The following CARMIL1 variants were observed in gnomAD, a reference collection of about 807,000 sequenced individuals.
CARMIL1 encodes F-actin-uncapping protein LRRC16A.
In CARMIL1, 90 loss-of-function variants were observed where a neutral mutation model predicts 177.1. That is an observed-to-expected ratio of 0.51 (90% CI 0.43 to 0.61). The LOEUF (loss-of-function observed/expected upper bound fraction) is 0.61, where lower values mean the gene tolerates loss of function less well. Ranked by LOEUF, CARMIL1 falls within the 20% of genes least tolerant of loss-of-function variation. The pLI is 0.00. For synonymous variants in CARMIL1, 577 were observed against 606.2 expected (o/e 0.95, Z 0.71); for missense variants, 1,380 against 1,667.0 (o/e 0.83, Z 3.00).
intron 24 of CARMIL1, among the ~76,000 whole-genome samples, chr6:25,530,774 C>G (rs76671656): frequency 2.6e-5 from 4 of 152,044 alleles, no homozygotes; most frequent in Admixed American, 1.3e-4. Context: ...GAGATGAAAT[C>G]GTAGAAGTTA....
At chr6:25,483,765 TTTTA>T (rs1802360220) in intron 12 of CARMIL1, among the ~76,000 whole-genome samples, 1 of 151,398 alleles carries the variant, frequency 6.6e-6, no homozygotes, top group African/African-American at 2.4e-5. Context: ...GATTTTTAAA[TTTTA>T]TTTATTTATT....
intron 2 of CARMIL1, among the ~76,000 whole-genome samples, chr6:25,410,946 C>G (rs1794847232): frequency 6.6e-6 from 1 of 152,206 alleles, no homozygotes; most frequent in Non-Finnish European, 1.5e-5. Context: ...CCTGACCCCT[C>G]TTAACTCTCT....
chr6:25,449,974 G>A lies in CARMIL1; in HGVS notation c.448G>A (p.Val150Met), dbSNP rs534828880. Residue 150 changes from valine to methionine, a missense_variant, in exon 6 of 37, where the codon GTG becomes ATG. Coordinates refer to ENST00000329474, the MANE Select transcript of CARMIL1 (RefSeq NM_017640.6). ...SLQALWDSQT[V>M]AEQGPCGGFS... ...CCAGGCGCTGTGGGACAGCCAGACC[G>A]TGGCTGAGCAGGGCCCCTGTGGTGA... 3.2e-5 allele frequency: 51 copies of A among 1,610,700 alleles called. No individual in the cohort carries two copies. The highest frequency in any genetic ancestry group is 3.0e-4 in the South Asian group (27 of 90,738).
At chr6:25,524,682 G>A (rs186927637) in intron 23 of CARMIL1, among the ~76,000 whole-genome samples, 17 of 152,240 alleles carry the variant, frequency 1.1e-4, no homozygotes, top group Middle Eastern at 3.4e-3. Flanking sequence ...AATTATCAGA[G>A]CCCTTAAAAT....
At chr6:25,303,903 G>T (rs1783062487) in intron 2 of CARMIL1, among the ~76,000 whole-genome samples, 1 of 152,216 alleles carries the variant, frequency 6.6e-6, no homozygotes. Context: ...GAAGTCCTTT[G>T]TCCAGGGAAC....
At chr6:25,539,205 A>G (rs951096756) in intron 25 of CARMIL1, among the ~76,000 whole-genome samples, 8 of 152,102 alleles carry the variant, frequency 5.3e-5, no homozygotes, top group Non-Finnish European at 1.0e-4. Flanking sequence ...TATTGGTTAG[A>G]AGTACCAGTA....
Position 25,619,740 on chromosome 6 carries a change from T to A in CARMIL1, c.*157T>A. ...CCCACCCCCATCCCCTGCCTTTTTT[T>A]TTTTTTTTTTTTTTTTTTTTTGTAT... On this transcript the variant is annotated 3_prime_UTR_variant, in exon 37 of 37. Coordinates refer to ENST00000329474, the MANE Select transcript of CARMIL1 (RefSeq NM_017640.6). The A allele has an allele frequency of 3.8e-6, 1 of 262,416 alleles. No homozygotes were observed. The highest frequency in any genetic ancestry group is 5.5e-5 in the East Asian group (1 of 18,026). The allele number at this position is 262,416 out of a possible 1,614,324, so 16.3% of individuals were successfully genotyped here. A position where few individuals can be genotyped will look rare whatever the true frequency, so the allele number is the denominator to read the frequency against.
At chr6:25,333,985 C>T (rs1785958904) in intron 2 of CARMIL1, among the ~76,000 whole-genome samples, 1 of 152,142 alleles carries the variant, frequency 6.6e-6, no homozygotes, top group Non-Finnish European at 1.5e-5. Flanking sequence ...ATGTACTTTC[C>T]CTGTATTCTT....
At chr6:25,310,537 A>G (rs1028052218) in intron 2 of CARMIL1, among the ~76,000 whole-genome samples, 24 of 152,240 alleles carry the variant, frequency 1.6e-4, no homozygotes, top group Non-Finnish European at 2.6e-4. Context: ...TTCAGTAGCT[A>G]TATGAGCGCA....
chr6:25,601,781 T>G (rs1395063273), intron 33 of CARMIL1, among the ~76,000 whole-genome samples: 7 of 152,242 alleles, frequency 4.6e-5, no homozygotes. Context: ...TTTTAAAGTA[T>G]AAGGAGTCTT....
intron 29 of CARMIL1, 71 bp downstream of exon 29, chr6:25,556,921 T>TTTTTAA: frequency 1.3e-5 from 18 of 1,354,776 alleles, no homozygotes; most frequent in Non-Finnish European, 1.7e-5. Context: ...TTTTTTTTTT[T>TTTTTAA]AAATCTCACC....
intron 2 of CARMIL1, among the ~76,000 whole-genome samples, chr6:25,383,224 T>TG (rs1348988199): frequency 6.6e-6 from 1 of 152,134 alleles, no homozygotes; most frequent in African/African-American, 2.4e-5. Context: ...GTGGGTCTGT[T>TG]GTTGGGAATA....
chr6:25,600,857 ACTTTC>A, intron 33 of CARMIL1, 111 bp downstream of exon 33: 1 of 984,386 alleles, frequency 1.0e-6, no homozygotes, highest in Non-Finnish European at 1.4e-6. Context: ...TAAACATTTA[ACTTTC>A]CTTTATGCTG....
chr6:25,617,938 ATTTG>A lies in CARMIL1; in HGVS notation c.3980-1502_3980-1499del, dbSNP rs1234738028. Among the ~76,000 whole-genome samples, 11 of 152,320 alleles carry A rather than the reference ATTTG, an allele frequency of 7.2e-5. No homozygotes were observed. In the South Asian group the frequency reaches 1.0e-3, roughly 14 times the overall value. On this transcript the variant is annotated intron_variant, in intron 36 of 36. Coordinates refer to ENST00000329474, the MANE Select transcript of CARMIL1 (RefSeq NM_017640.6). Reference sequence around the variant, plus strand: ...AAAAATAATAGAAATCAATGATAATATTTGTTTGTTGCTTTCTTCCCCCAGTTTG... The same window carrying A: ...AAAAATAATAGAAATCAATGATAATATTTGTTGCTTTCTTCCCCCAGTTTG...
At chr6:25,582,603 C>T (rs529175147) in intron 31 of CARMIL1, among the ~76,000 whole-genome samples, 11 of 152,156 alleles carry the variant, frequency 7.2e-5, no homozygotes, top group Non-Finnish European at 1.5e-4. Context: ...CCCTGATCAC[C>T]AGCTCTCCCT....
At chr6:25,474,390 C>T (rs1801348073) in intron 11 of CARMIL1, among the ~76,000 whole-genome samples, 1 of 152,118 alleles carries the variant, frequency 6.6e-6, no homozygotes, top group South Asian at 2.1e-4. Flanking sequence ...GCTGGGATTA[C>T]AGGCGTGAGC....
rs751771911 is a variant in CARMIL1, at chr6:25,500,158, C to T, written c.1326-8C>T. 2.5e-6 allele frequency: 4 copies of T among 1,613,260 alleles called. No individual in the cohort carries two copies. In the East Asian group the frequency reaches 8.9e-5, roughly 36 times the overall value. ...TGTGTATCTAATATGTGTGTTTCCT[C>T]CCCTCAGAGCACTGTTATTGGGCCT... On this transcript the variant is annotated splice_region_variant and splice_polypyrimidine_tract_variant and intron_variant, in intron 16 of 36. Transcript: ENST00000329474.
At chr6:25,309,811 C>T (rs1435474742) in intron 2 of CARMIL1, among the ~76,000 whole-genome samples, 1 of 148,906 alleles carries the variant, frequency 6.7e-6, no homozygotes, top group Non-Finnish European at 1.5e-5. Flanking sequence ...GCTCTGTTGC[C>T]CAGGCTAGAA....
chr6:25,408,790 C>A (rs999878967), intron 2 of CARMIL1, among the ~76,000 whole-genome samples: 1 of 147,176 alleles, frequency 6.8e-6, no homozygotes, highest in African/African-American at 2.5e-5. Flanking sequence ...CCGGCCTGGG[C>A]AATGTAGTGA....
Sources: gnomAD v4.1 joint callset for allele counts (sites outside exome capture counted in the v4.1 genomes callset) on GRCh38, gnomAD v4.1.1 for gene constraint, MANE v1.5 for transcripts, NCBI Gene and HGNC (gene_info 2026-07-23, HGNC 2026-07-21) for gene names.